Variants in BCDIN3D observed in about 807,000 individuals in gnomAD.
BCDIN3D encodes the protein BCDIN3 domain containing RNA methyltransferase, also known as RNA 5'-monophosphate methyltransferase.
A neutral mutation model predicts 21.2 loss-of-function variants in BCDIN3D; 15 were observed. The ratio of observed to expected loss-of-function variants is 0.71; its 90% CI spans 0.47 to 1.09. The LOEUF (loss-of-function observed/expected upper bound fraction) is 1.09. Ranked by LOEUF, BCDIN3D falls within the 50% of genes least tolerant of loss-of-function variation. The probability of loss-of-function intolerance (pLI) is 0.00; values close to 1 mark genes in which losing one functional copy is unlikely to be tolerated. For synonymous variants in BCDIN3D, 127 were observed against 141.9 expected (o/e 0.90, Z 0.75); for missense variants, 331 against 366.2 (o/e 0.90, Z 0.79).
At position 49,838,236 on chromosome 12, in the gene BCDIN3D, TG is replaced by T; in HGVS notation, c.*134del. 2 of 826,054 alleles carry T rather than the reference TG, an allele frequency of 2.4e-6. No homozygotes were observed. The highest frequency in any genetic ancestry group is 3.8e-6 in the Non-Finnish European group (2 of 527,856). 51.2% of individuals were successfully genotyped at this position (826,054 alleles called of 1,614,324 possible). A position where few individuals can be genotyped will look rare whatever the true frequency, so the allele number is the denominator to read the frequency against. Reference sequence around the variant, plus strand: ...GAACAGATACTGATTCTTTCAATTATGTGCCTTGGACATTTTACCAAAAGCT... The same window carrying T: ...GAACAGATACTGATTCTTTCAATTATTGCCTTGGACATTTTACCAAAAGCT... On this transcript the variant is annotated 3_prime_UTR_variant, in exon 2 of 2. Transcript: ENST00000333924.
chr12:49,841,790 T>C (rs914968706), intron 1 of BCDIN3D, among the ~76,000 whole-genome samples: 3 of 152,130 alleles, frequency 2.0e-5, no homozygotes, highest in Admixed American at 2.0e-4. Context: ...GTAACAGAAT[T>C]GTCCCCCGCC....
intron 1 of BCDIN3D, among the ~76,000 whole-genome samples, chr12:49,841,489 AT>A (rs371495431): frequency 1.1e-3 from 169 of 152,300 alleles, no homozygotes; most frequent in Middle Eastern, 3.4e-3. Flanking sequence ...GCTGCCAACT[AT>A]GTCTTTACCT....
chr12:49,838,660 G>GTAACA lies in BCDIN3D; in HGVS notation c.589_590insTGTTA (p.Pro197LeufsTer44). The GTAACA allele has an allele frequency of 6.2e-7, 1 of 1,613,892 alleles. No individual in the cohort carries two copies. On this transcript the variant is annotated frameshift_variant, in exon 2 of 2. Coordinates refer to ENST00000333924, the MANE Select transcript of BCDIN3D (RefSeq NM_181708.3). LOFTEE classifies it high-confidence loss of function. ...TGCCCGGTAACACTTCCAGGGTTGG[G>GTAACA]GCTCCACAAGGAGGTAGTGGCAGAG...
At position 49,837,273 on chromosome 12, in the gene BCDIN3D, GTTTTTTTTTTT is replaced by G. The variant is rs1946512455; in HGVS notation, c.*1087_*1097del. On this transcript the variant is annotated 3_prime_UTR_variant, in exon 2 of 2. Coordinates refer to ENST00000333924, the MANE Select transcript of BCDIN3D (RefSeq NM_181708.3). The stretch of plus-strand genomic sequence containing the variant: ...GGGGACCATAAGCATGTAGGTAGTT[GTTTTTTTTTTT>G]GTTTTTTTTTTTTTTTTTTTTGAGA... The G allele has an allele frequency of 1.6e-5, 2 of 122,780 alleles. No homozygotes were observed. Among genetic ancestry groups the G allele is most frequent in the Non-Finnish European group, 3.4e-5 (2 of 58,966 alleles). 7.6% of individuals were successfully genotyped at this position (122,780 alleles called of 1,614,324 possible).
rs148917422 is a variant in BCDIN3D at position 49,842,999 on chromosome 12, G to A, written c.89C>T (p.Pro30Leu). ...AGAATAATGAGGAAAATTTCCGAAC[G>A]GGGCGGCGCCAGGTGCCAGAACTCG... ...ESRVLAPGAAPFGNFPHYSRF... is the reference protein window; with the variant it reads ...ESRVLAPGAALFGNFPHYSRF... Residue 30 changes from proline to leucine, a missense_variant, in exon 1 of 2, where the codon CCG becomes CTG. Physicochemically the swap from Pro to Leu is moderately conservative, Grantham distance 98. Coordinates refer to ENST00000333924, the MANE Select transcript of BCDIN3D (RefSeq NM_181708.3). 763 of 1,614,202 alleles carry A rather than the reference G, an allele frequency of 4.7e-4. No homozygotes were observed. The highest frequency in any genetic ancestry group is 1.0e-3 in the Admixed American group (62 of 60,026).
intron 1 of BCDIN3D, chr12:49,839,967 G>C (rs1946541020): frequency 6.6e-6 from 1 of 152,210 alleles, no homozygotes; most frequent in Non-Finnish European, 1.5e-5. Flanking sequence ...CTATAGGAAT[G>C]AGCCACTGCA....
chr12:49,838,349 T>G lies in BCDIN3D; in HGVS notation c.*22A>C. ...ATATAAAACCCTTTCAATATCTTTC[T>G]TGGTCTTCTTGCCCTCCCATCTCAC... is the stretch of plus-strand genomic sequence containing the variant. On this transcript the variant is annotated 3_prime_UTR_variant, in exon 2 of 2. Transcript: ENST00000333924. 1.9e-6 allele frequency: 3 copies of G among 1,585,002 alleles called. No individual in the cohort carries two copies. Among genetic ancestry groups the G allele is most frequent in the Non-Finnish European group, 2.6e-6 (3 of 1,171,386 alleles).
At chr12:49,842,798 G>T in intron 1 of BCDIN3D, 56 bp downstream of exon 1, 1 of 1,449,034 alleles carries the variant, frequency 6.9e-7, no homozygotes. Context: ...CACAGTGGAT[G>T]TGTAGGCAGC....
In BCDIN3D at chr12:49,837,270, GTTGTTTTTTTTTTTGTT is replaced by G. The variant is rs1946511992; in HGVS notation, c.*1084_*1100del. ...TTTGGGGACCATAAGCATGTAGGTA[GTTGTTTTTTTTTTTGTT>G]TTTTTTTTTTTTTTTTTTGAGACGG... On this transcript the variant is annotated 3_prime_UTR_variant, in exon 2 of 2. Coordinates refer to ENST00000333924, the MANE Select transcript of BCDIN3D (RefSeq NM_181708.3). The G allele has an allele frequency of 7.2e-6, 1 of 137,972 alleles. No individual in the cohort carries two copies. Among genetic ancestry groups the G allele is most frequent in the African/African-American group, 2.7e-5 (1 of 36,490 alleles). 8.5% of individuals were successfully genotyped at this position (137,972 alleles called of 1,614,324 possible).
chr12:49,838,898 G>C lies in BCDIN3D; in HGVS notation c.352C>G (p.Arg118Gly). 1 of 1,614,174 alleles carries C rather than the reference G, an allele frequency of 6.2e-7. No individual in the cohort carries two copies. Among genetic ancestry groups the C allele is most frequent in the Non-Finnish European group, 8.5e-7 (1 of 1,180,044 alleles). Residue 118 changes from arginine (R) to glycine (G), a missense_variant, in exon 2 of 2, where the codon CGA becomes GGA. By Grantham distance (125) the Arg-to-Gly change is moderately radical. Coordinates refer to ENST00000333924, the MANE Select transcript of BCDIN3D (RefSeq NM_181708.3). ...GGAAAAGGACATTCTTTTTCGGCTC[G>C]CTTCACCAGGACTGGATCTATGTCG... ...CCDIDPVLVK[R>G]AEKECPFPDA...
At chr12:49,840,737 C>G (rs921487581) in intron 1 of BCDIN3D, 11 of 147,920 alleles carry the variant, frequency 7.4e-5, no homozygotes, top group African/African-American at 2.8e-4. Flanking sequence ...TCTCAAACTC[C>G]CGAGCTCAAG....
Position 49,838,542 on chromosome 12 carries a change from C to G in BCDIN3D, c.708G>C (p.Gln236His). Reference sequence around the variant, plus strand: ...CCATGCCATGATCCTGGGTCAAGATCTGCACAATCTGATTGGGCATGTCAC... The same window carrying G: ...CCATGCCATGATCCTGGGTCAAGATGTGCACAATCTGATTGGGCATGTCAC... The part of the protein sequence containing the change: ...IRGDMPNQIV[Q>H]ILTQDHGMEL... The change falls in exon 2 of 2, where the codon CAG (glutamine) becomes CAC (histidine). Residue 236 changes from glutamine (Q) to histidine (H), a missense_variant. Physicochemically the swap from Gln to His is conservative, Grantham distance 24 (BLOSUM62 0). Transcript: ENST00000333924. 1 of 1,614,172 alleles carries G rather than the reference C, an allele frequency of 6.2e-7. No homozygotes were observed. Among genetic ancestry groups the G allele is most frequent in the East Asian group, 2.2e-5 (1 of 44,886 alleles).
Position 49,843,042 on chromosome 12 carries a change from C to A in BCDIN3D, c.46G>T (p.Ala16Ser). The A allele has an allele frequency of 1.9e-6, 3 of 1,614,218 alleles. No individual in the cohort carries two copies. The highest frequency in any genetic ancestry group is 1.7e-6 in the Non-Finnish European group (2 of 1,180,048). ...ELDGGSVKET[A>S]AEEESRVLAP... ...AGAACTCGCGATTCCTCTTCCGCTG[C>A]GGTCTCCTTAACACTCCCTCCATCC... is the stretch of plus-strand genomic sequence containing the variant. The change falls in exon 1 of 2, where the codon GCA (alanine) becomes TCA (serine). Residue 16 changes from alanine (A) to serine (S), a missense_variant. Coordinates refer to ENST00000333924, the MANE Select transcript of BCDIN3D (RefSeq NM_181708.3).
rs1946523218 is a variant in BCDIN3D at position 49,838,134 on chromosome 12, T to G, written c.*237A>C. ...AACCCATAACCAGGACCACTTTTCC[T>G]AGGCCATCTCAATCCAGATATCCTA... On this transcript the variant is annotated 3_prime_UTR_variant, in exon 2 of 2. Coordinates refer to ENST00000333924, the MANE Select transcript of BCDIN3D (RefSeq NM_181708.3). The G allele has an allele frequency of 2.1e-6, 1 of 482,822 alleles. No individual in the cohort carries two copies. The highest frequency in any genetic ancestry group is 3.7e-6 in the Non-Finnish European group (1 of 272,442). 29.9% of individuals were successfully genotyped at this position (482,822 alleles called of 1,614,324 possible). A position where few individuals can be genotyped will look rare whatever the true frequency, so the allele number is the denominator to read the frequency against.
chr12:49,838,937 G>T lies in BCDIN3D; in HGVS notation c.313C>A (p.Arg105Ser). The change falls in exon 2 of 2, where the codon CGT (arginine) becomes AGT (serine). Residue 105 changes from arginine (R) to serine (S), a missense_variant. Arg to Ser is a moderately radical substitution (Grantham distance 110). Transcript: ENST00000333924. ...GGATCTATGTCGCAGCAGAGGAGACGGAATTCTCTTGAGGCATCTGAGCAG... is the reference window on the plus strand; with the variant it reads ...GGATCTATGTCGCAGCAGAGGAGACTGAATTCTCTTGAGGCATCTGAGCAG... ...ETCSDASREF[R>S]LLCCDIDPVL... 6.2e-7 allele frequency: 1 copy of T among 1,614,108 alleles called. No homozygotes were observed. The highest frequency in any genetic ancestry group is 8.5e-7 in the Non-Finnish European group (1 of 1,180,024).
intron 1 of BCDIN3D, 138 bp from the exon 2 acceptor site, chr12:49,839,153 A>G: frequency 9.6e-7 from 1 of 1,040,180 alleles, no homozygotes. Flanking sequence ...TAACCTAAAG[A>G]GGTTGTGCAA....
rs568508865 is a variant in BCDIN3D, at chr12:49,836,498, G to C, written c.*1873C>G. ...CAGCAGGGTTACAGGGTTTCAAAGT[G>C]TTCCTAAATTAAGATCTTGTGGGTA... On this transcript the variant is annotated 3_prime_UTR_variant, in exon 2 of 2. Coordinates refer to ENST00000333924, the MANE Select transcript of BCDIN3D (RefSeq NM_181708.3). 6.6e-6 allele frequency: 1 copy of C among 152,304 alleles called. No homozygotes were observed. The highest frequency in any genetic ancestry group is 2.1e-4 in the South Asian group (1 of 4,814). 9.4% of individuals were successfully genotyped at this position (152,304 alleles called of 1,614,324 possible). A position where few individuals can be genotyped will look rare whatever the true frequency, so the allele number is the denominator to read the frequency against.
Position 49,838,313 on chromosome 12 carries a change from C to T in BCDIN3D, c.*58G>A. 5 of 1,502,606 alleles carry T rather than the reference C, an allele frequency of 3.3e-6. No individual in the cohort carries two copies. The highest frequency in any genetic ancestry group is 4.5e-6 in the Non-Finnish European group (5 of 1,122,370). The allele number at this position is 1,502,606 out of a possible 1,614,324, so 93.1% of individuals were successfully genotyped here. ...TTGTTAAGGAATTAAGGAGAATGAA[C>T]ATAATTCTCAATATAAAACCCTTTC... is the stretch of plus-strand genomic sequence containing the variant. On this transcript the variant is annotated 3_prime_UTR_variant, in exon 2 of 2. Coordinates refer to ENST00000333924, the MANE Select transcript of BCDIN3D (RefSeq NM_181708.3).
chr12:49,839,238 G>A (rs1946535224), intron 1 of BCDIN3D: 1 of 530,184 alleles, frequency 1.9e-6, no homozygotes, highest in Non-Finnish European at 3.4e-6. Flanking sequence ...ATATTTTCCT[G>A]ACACTGATGA....
Sources: gnomAD v4.1 joint callset for allele counts (sites outside exome capture counted in the v4.1 genomes callset) on GRCh38, gnomAD v4.1.1 for gene constraint, MANE v1.5 for transcripts, NCBI Gene and HGNC (gene_info 2026-07-23, HGNC 2026-07-21) for gene names.